CREB3L2: variants seen among roughly 807,000 people sequenced by gnomAD.
CREB3L2 encodes the protein cyclic AMP-responsive element-binding protein 3-like protein 2.
In CREB3L2, 23 loss-of-function variants were observed where a neutral mutation model predicts 57.2. The ratio of observed to expected loss-of-function variants is 0.40; its 90% confidence interval spans 0.29 to 0.57. CREB3L2 has a LOEUF of 0.57. Among genes scored for constraint, CREB3L2 ranks in the 20% least tolerant of loss-of-function variants. The probability of loss-of-function intolerance (pLI) is 0.42; values close to 1 mark genes in which losing one functional copy is unlikely to be tolerated. For missense variants in CREB3L2, 628 were observed against 634.7 expected, an observed-to-expected ratio of 0.99 and a Z score of 0.11; for synonymous variants, 268 against 265.1, an observed-to-expected ratio of 1.01 and a Z score of -0.11.
chr7:137,978,467 T>C (rs1302530777), intron 1 of CREB3L2, among the ~76,000 whole-genome samples: 1 of 152,156 alleles, frequency 6.6e-6, no homozygotes, highest in Non-Finnish European at 1.5e-5. Flanking sequence ...CTATGATGTC[T>C]CTGACCAGCT....
At chr7:137,971,226 G>A (rs190479848) in intron 1 of CREB3L2, among the ~76,000 whole-genome samples, 7 of 152,220 alleles carry the variant, frequency 4.6e-5, no homozygotes, top group South Asian at 2.1e-4. Flanking sequence ...CAAGAAGGGC[G>A]GATCACGAGT....
intron 1 of CREB3L2, among the ~76,000 whole-genome samples, chr7:137,929,393 T>C (rs138333113): frequency 6.6e-6 from 1 of 152,112 alleles, no homozygotes; most frequent in East Asian, 1.9e-4. Flanking sequence ...GGGGCATTGT[T>C]TTGTGCATTG....
chr7:137,886,734 AAAG>A (rs1019046111), intron 8 of CREB3L2, among the ~76,000 whole-genome samples: 5 of 151,980 alleles, frequency 3.3e-5, no homozygotes, highest in African/African-American at 7.3e-5. Context: ...AGAAAAAAAA[AAAG>A]GAGACGTTTT....
intron 2 of CREB3L2, among the ~76,000 whole-genome samples, chr7:137,923,666 A>G (rs1800385023): frequency 6.6e-6 from 1 of 152,226 alleles, no homozygotes; most frequent in African/African-American, 2.4e-5. Context: ...CAACACTGCA[A>G]AGCAAAAACC....
At position 137,922,541 on chromosome 7, in the gene CREB3L2, T is replaced by C. The variant is rs1463003431; in HGVS notation, c.319+5609A>G. ...TATATACATGTGAACATAGAGAGAA[T>C]GGGCATTTATTCTTAAAAAGGGAAA... On this transcript the variant is annotated intron_variant, in intron 2 of 11. Transcript: ENST00000330387. 1.8e-5 allele frequency: 7 copies of C among 398,004 alleles called. 1 individual carries two copies. The highest frequency in any genetic ancestry group is 3.1e-5 in the Non-Finnish European group (6 of 193,594). The allele number at this position is 398,004 out of a possible 1,614,324, so 24.7% of individuals were successfully genotyped here.
chr7:137,950,804 C>G lies in CREB3L2; in HGVS notation c.103-22438G>C, dbSNP rs546001820. On this transcript the variant is annotated intron_variant, in intron 1 of 11. Transcript: ENST00000330387. ...TTGCAATATTACAGGAGAAAGGGAA[C>G]CTTTTCATTTCTCCACTCCAGTAAT... Among the ~76,000 whole-genome samples the G allele has an allele frequency of 3.3e-5, 5 of 152,276 alleles. No homozygotes were observed. In the East Asian group the frequency reaches 7.7e-4, roughly 23 times the overall value.
chr7:137,951,927 C>T (rs1198754620), intron 1 of CREB3L2, among the ~76,000 whole-genome samples: 1 of 152,122 alleles, frequency 6.6e-6, no homozygotes, highest in African/African-American at 2.4e-5. Flanking sequence ...GAGGTGGAGG[C>T]TCTAGTGAGT....
At chr7:137,885,673 T>C (rs1479072500) in intron 8 of CREB3L2, among the ~76,000 whole-genome samples, 171 bp from the exon 9 acceptor site, 2 of 152,184 alleles carry the variant, frequency 1.3e-5, no homozygotes, top group East Asian at 1.9e-4. Context: ...TCTAGCACCA[T>C]TGTCACAGAG....
chr7:137,982,023 T>A (rs1446785063), intron 1 of CREB3L2, among the ~76,000 whole-genome samples: 1 of 151,910 alleles, frequency 6.6e-6, no homozygotes, highest in Admixed American at 6.6e-5. Context: ...TCCAGGGGGA[T>A]GGGGCTGCAC....
At chr7:137,942,712 T>A (rs574471708) in intron 1 of CREB3L2, among the ~76,000 whole-genome samples, 1 of 152,274 alleles carries the variant, frequency 6.6e-6, no homozygotes, top group South Asian at 2.1e-4. Context: ...ACACATGCAA[T>A]CACCATATGT....
intron 1 of CREB3L2, chr7:137,956,693 T>C (rs1370178269): frequency 8.2e-7 from 1 of 1,216,720 alleles, no homozygotes; most frequent in Non-Finnish European, 1.1e-6. Context: ...GTTATTTTAC[T>C]TTAACTTGAA....
At chr7:137,918,999 C>T (rs960099766) in intron 2 of CREB3L2, among the ~76,000 whole-genome samples, 1 of 152,134 alleles carries the variant, frequency 6.6e-6, no homozygotes, top group South Asian at 2.1e-4. Flanking sequence ...TCAAGGACAA[C>T]TGTACATTTC....
Position 137,882,572 on chromosome 7 carries a change from T to C in CREB3L2, c.1327A>G (p.Ser443Gly). The C allele has an allele frequency of 6.2e-7, 1 of 1,613,392 alleles. No homozygotes were observed. The highest frequency in any genetic ancestry group is 2.2e-5 in the East Asian group (1 of 44,860). ...EEHSPPEESS[S>G]PGSAGELGGW... is the part of the protein sequence containing the mutation. ...CCCAGCTCCCCAGCCGAGCCCGGGC[T>C]GGATGACTCCTCTGGGGGAGAATGT... The change falls in exon 11 of 12, where the codon AGC becomes GGC. Residue 443 changes from serine to glycine, a missense_variant. Ser to Gly is a moderately conservative substitution (Grantham distance 56, BLOSUM62 0). Coordinates refer to ENST00000330387, the MANE Select transcript of CREB3L2 (RefSeq NM_194071.4).
chr7:137,991,191 T>A (rs1314271280), intron 1 of CREB3L2, among the ~76,000 whole-genome samples: 1 of 150,392 alleles, frequency 6.6e-6, no homozygotes, highest in Non-Finnish European at 1.5e-5. Context: ...GGGGACGGAG[T>A]CTTGCTCCGT....
intron 1 of CREB3L2, among the ~76,000 whole-genome samples, chr7:137,969,198 C>T (rs931159975): frequency 5.3e-5 from 8 of 152,094 alleles, no homozygotes; most frequent in Non-Finnish European, 8.8e-5. Context: ...ATCATAAAAG[C>T]TAAGTTTCCT....
intron 2 of CREB3L2, among the ~76,000 whole-genome samples, chr7:137,926,843 C>G (rs1050977534): frequency 4.6e-5 from 7 of 152,050 alleles, no homozygotes; most frequent in Non-Finnish European, 1.0e-4. Context: ...TCTAGGAAAA[C>G]AAAACATAGA....
chr7:137,894,883 G>T (rs542233553), intron 8 of CREB3L2, among the ~76,000 whole-genome samples: 1 of 152,286 alleles, frequency 6.6e-6, no homozygotes, highest in African/African-American at 2.4e-5. Flanking sequence ...CAGTTCAAAA[G>T]TTAAGTGACC....
intron 3 of CREB3L2, among the ~76,000 whole-genome samples, chr7:137,913,915 G>A (rs903411106): frequency 6.6e-6 from 1 of 152,054 alleles, no homozygotes; most frequent in African/African-American, 2.4e-5. Flanking sequence ...ATAAGGAGGG[G>A]CCAGGGGGTC....
intron 1 of CREB3L2, among the ~76,000 whole-genome samples, chr7:137,986,063 T>C (rs1801787662): frequency 6.6e-6 from 1 of 152,068 alleles, no homozygotes; most frequent in African/African-American, 2.4e-5. Context: ...AAACCAGACA[T>C]AGTGACACTT....
Sources: allele counts gnomAD v4.1 joint callset (sites outside exome capture counted in the v4.1 genomes callset), GRCh38; gene constraint gnomAD v4.1.1; transcripts MANE v1.5; gene names NCBI Gene and HGNC (gene_info 2026-07-23, HGNC 2026-07-21).